SLC36A1: variants seen among roughly 807,000 people sequenced by gnomAD.
SLC36A1 encodes the protein proton-coupled amino acid transporter 1.
SLC36A1 carries 30 observed loss-of-function variants against 47.5 expected under a neutral mutation model. The ratio of observed to expected loss-of-function variants is 0.63; its 90% confidence interval spans 0.47 to 0.86. SLC36A1 has a LOEUF of 0.86. Ranked by LOEUF, SLC36A1 falls within the 40% of genes least tolerant of loss-of-function variation. SLC36A1 has a pLI of 0.00. For synonymous variants in SLC36A1, 255 were observed against 249.7 expected (o/e 1.02, Z -0.20); for missense variants, 517 against 606.0 (o/e 0.85, Z 1.54).
the SLC36A1 span, among the ~76,000 whole-genome samples, chr5:151,377,419 A>G: frequency 7.4e-6 from 1 of 135,492 alleles, no homozygotes; most frequent in African/African-American, 2.8e-5. Context: ...CGCGATCTCG[A>G]CTCACTGCAA....
the SLC36A1 span, chr5:151,381,033 G>A: frequency 1.5e-5 from 6 of 405,542 alleles, no homozygotes; most frequent in Admixed American, 3.2e-5. Context: ...TTGAAGAGGC[G>A]GGAGGTGTCA....
the SLC36A1 span, among the ~76,000 whole-genome samples, chr5:151,535,765 C>T: frequency 6.6e-6 from 1 of 151,974 alleles, no homozygotes; most frequent in South Asian, 2.1e-4. Context: ...TGGACAGAGC[C>T]CTAAACCCAT....
chr5:151,555,473 T>C, the SLC36A1 span, among the ~76,000 whole-genome samples: 1 of 150,478 alleles, frequency 6.6e-6, no homozygotes. Context: ...CAGGTTCAAG[T>C]GCTTCTCCGC....
the SLC36A1 span, chr5:151,531,925 C>A: frequency 6.2e-7 from 1 of 1,614,212 alleles, no homozygotes; most frequent in Non-Finnish European, 8.5e-7. This position sits in a 1 kb window ranked among gnomAD's most constrained non-coding sequence, Gnocchi z 5.7. Flanking sequence ...GGAAAAGTGG[C>A]CTTCGGCTGA....
intron 9 of SLC36A1, 94 bp downstream of exon 9, chr5:151,476,850 ACCAGCCCACTTCACT>A (rs752974729): frequency 3.0e-4 from 444 of 1,459,354 alleles, no homozygotes; most frequent in Middle Eastern, 1.7e-4. Flanking sequence ...TATCTCTTAA[ACCAGCCCACTTCACT>A]CTAGCCCACC....
the SLC36A1 span, among the ~76,000 whole-genome samples, chr5:151,506,370 C>T: frequency 6.6e-6 from 1 of 152,222 alleles, no homozygotes; most frequent in South Asian, 2.1e-4. Context: ...TTGGATGTCT[C>T]CATGCAACCC....
the SLC36A1 span, among the ~76,000 whole-genome samples, chr5:151,345,696 T>C: frequency 6.6e-6 from 1 of 152,204 alleles, no homozygotes; most frequent in African/African-American, 2.4e-5. Flanking sequence ...TGGAAATTTC[T>C]AACTAAAGTA....
chr5:151,549,337 C>T, the SLC36A1 span: 7 of 1,613,778 alleles, frequency 4.3e-6, no homozygotes, highest in Non-Finnish European at 5.9e-6. Context: ...ACTCCCCGGT[C>T]AGCATCCATG....
In SLC36A1 at chr5:151,458,332, ATG is replaced by A. The variant is rs1754966231; in HGVS notation, c.-5-455_-5-454del. ...TATACGTATATATATATATATATAT[ATG>A]GGATATTTATATATATATATATACA... On this transcript the variant is annotated intron_variant, in intron 1 of 10. Coordinates refer to ENST00000243389, the MANE Select transcript of SLC36A1 (RefSeq NM_078483.4). 2.8e-5 allele frequency among the ~76,000 whole-genome samples: 3 copies of A among 108,380 alleles called. No homozygotes were observed. The East Asian group carries it at 1.6e-3, about 58-fold the overall frequency. 71.1% of individuals were successfully genotyped at this position (108,380 alleles called of 152,430 possible). A position where few individuals can be genotyped will look rare whatever the true frequency, so the allele number is the denominator to read the frequency against.
the SLC36A1 span, among the ~76,000 whole-genome samples, chr5:151,354,874 T>C: frequency 6.6e-6 from 1 of 152,110 alleles, no homozygotes; most frequent in African/African-American, 2.4e-5. Context: ...GTGGCAGAAG[T>C]GGTTTTCCAA....
the SLC36A1 span, among the ~76,000 whole-genome samples, chr5:151,518,348 C>CTAA: frequency 0.057 from 5,801 of 101,440 alleles, 272 homozygotes; most frequent in African/African-American, 0.13. Context: ...GACCATGTCT[C>CTAA]TAATAATAAT....
intron 7 of SLC36A1, 42 bp from the exon 8 acceptor site, chr5:151,473,630 GC>G: frequency 8.2e-7 from 1 of 1,214,902 alleles, no homozygotes; most frequent in Non-Finnish European, 1.2e-6. Flanking sequence ...TTTCTGTATA[GC>G]CTTTTGCTTT....
the SLC36A1 span, chr5:151,509,477 G>A: frequency 6.5e-6 from 1 of 153,414 alleles, no homozygotes; most frequent in African/African-American, 2.4e-5. Flanking sequence ...GGGTGAGCAA[G>A]CATTACCACC....
chr5:151,494,301 A>G (rs1052784617), downstream of SLC36A1, among the ~76,000 whole-genome samples: 1 of 152,180 alleles, frequency 6.6e-6, no homozygotes, highest in African/African-American at 2.4e-5. Flanking sequence ...TTTAAAAAAA[A>G]TGGAGTATAA....
the SLC36A1 span, chr5:151,537,898 T>TG: frequency 1.2e-6 from 2 of 1,614,108 alleles, no homozygotes; most frequent in Non-Finnish European, 1.7e-6. Flanking sequence ...ACCTTCAAAA[T>TG]GAAGTGTCCT....
the SLC36A1 span, chr5:151,550,568 C>G: frequency 6.2e-7 from 1 of 1,613,120 alleles, no homozygotes; most frequent in Non-Finnish European, 8.5e-7. Context: ...CGTATTCTCA[C>G]CAGATTTTTC....
the SLC36A1 span, chr5:151,521,858 A>C: frequency 6.2e-7 from 1 of 1,614,204 alleles, no homozygotes; most frequent in Middle Eastern, 1.6e-4. Flanking sequence ...GCACCCACTG[A>C]GAAGTGCCTG....
At chr5:151,534,342 G>A in the SLC36A1 span, 2 of 1,316,438 alleles carry the variant, frequency 1.5e-6, no homozygotes, top group Non-Finnish European at 2.1e-6. Context: ...ACACAAAGGG[G>A]ACCAAACCCT....
chr5:151,530,083 G>A, the SLC36A1 span, among the ~76,000 whole-genome samples: 1 of 152,086 alleles, frequency 6.6e-6, no homozygotes, highest in African/African-American at 2.4e-5. Flanking sequence ...AGCCCTTAAT[G>A]AAAAGGTATA....
Sources: allele counts gnomAD v4.1 joint callset (sites outside exome capture counted in the v4.1 genomes callset), GRCh38; gene constraint gnomAD v4.1.1; non-coding constraint Gnocchi (gnomAD v3.1); transcripts MANE v1.5; gene names NCBI Gene and HGNC (gene_info 2026-07-23, HGNC 2026-07-21).